Variants in PMP22 observed in about 807,000 individuals in gnomAD.
The protein encoded by PMP22 is Charcot-Marie-Tooth neuropathy 1A (greatly reduced nerve conduction velocity, hereditary motor sensory neuropathy Ia).
Under a neutral mutation model 18.9 loss-of-function variants are expected in PMP22, and 2 were observed. The ratio of observed to expected loss-of-function variants is 0.11; its 90% CI spans 0.04 to 0.33. PMP22 has a LOEUF of 0.33. Among genes scored for constraint, PMP22 ranks in the 10% least tolerant of loss-of-function variants. The probability of loss-of-function intolerance (pLI) is 1.00; values close to 1 mark genes in which losing one functional copy is unlikely to be tolerated. For synonymous variants in PMP22, 95 were observed against 89.2 expected, an observed-to-expected ratio of 1.07 and a Z score of -0.37; for missense variants, 169 against 202.2, an observed-to-expected ratio of 0.84 and a Z score of 1.00.
rs1444380969 is a variant in PMP22, at chr17:15,260,891, C to T, written c.-34-130G>A. Reference sequence around the variant, plus strand: ...AGCGCCCGCAGCCCGACCGCCCGCGCGGGTCAGGAGCCTTCGCGCCGCCTG... The same window carrying T: ...AGCGCCCGCAGCCCGACCGCCCGCGTGGGTCAGGAGCCTTCGCGCCGCCTG... On this transcript the variant is annotated intron_variant, in intron 1 of 4. Transcript: ENST00000312280. 4.7e-6 allele frequency: 3 copies of T among 640,288 alleles called. No individual in the cohort carries two copies. In the South Asian group the frequency reaches 5.5e-5, roughly 12 times the overall value. The allele number at this position is 640,288 out of a possible 1,614,324, so 39.7% of individuals were successfully genotyped here.
chr17:15,252,461 T>C (rs1189288214), intron 3 of PMP22, among the ~76,000 whole-genome samples: 1 of 152,166 alleles, frequency 6.6e-6, no homozygotes, highest in Non-Finnish European at 1.5e-5. Context: ...GAGTAGTAAG[T>C]GGTCATCTTC....
intron 4 of PMP22, among the ~76,000 whole-genome samples, chr17:15,238,614 AACAG>A (rs1254599080): frequency 6.6e-6 from 1 of 152,234 alleles, no homozygotes; most frequent in African/African-American, 2.4e-5. Flanking sequence ...ACAGTAAGTC[AACAG>A]ACAGACATGT....
intron 4 of PMP22, 136 bp downstream of exon 4, chr17:15,239,335 T>C: frequency 9.8e-7 from 1 of 1,023,956 alleles, no homozygotes; most frequent in East Asian, 2.4e-5. Context: ...GCACCCACCC[T>C]CACTTTATGG....
intron 3 of PMP22, among the ~76,000 whole-genome samples, chr17:15,240,405 ATTTTT>A (rs59646634): frequency 8.2e-6 from 1 of 121,432 alleles, no homozygotes; most frequent in African/African-American, 3.1e-5. Flanking sequence ...GACAACCCGT[ATTTTT>A]TTTTTTTTTT....
intron 3 of PMP22, among the ~76,000 whole-genome samples, chr17:15,252,850 G>A (rs1908480698): frequency 2.0e-5 from 3 of 152,200 alleles, no homozygotes; most frequent in Admixed American, 1.3e-4. Flanking sequence ...AGACCAGCCA[G>A]GGGCCAGGGC....
intron 4 of PMP22, among the ~76,000 whole-genome samples, chr17:15,233,285 A>G (rs570883231): frequency 2.6e-5 from 4 of 152,330 alleles, no homozygotes; most frequent in Admixed American, 2.6e-4. Flanking sequence ...CTCTTTGGCA[A>G]TGACCGGGAC....
intron 4 of PMP22, among the ~76,000 whole-genome samples, chr17:15,238,996 G>C (rs1235617287): frequency 6.6e-6 from 1 of 152,188 alleles, no homozygotes; most frequent in African/African-American, 2.4e-5. Context: ...ATTTGTCAGT[G>C]TGGCTTCATC....
At chr17:15,244,776 G>A (rs150486192) in intron 3 of PMP22, among the ~76,000 whole-genome samples, 4 of 152,354 alleles carry the variant, frequency 2.6e-5, no homozygotes, top group Non-Finnish European at 4.4e-5. Flanking sequence ...AAGAGCCAAA[G>A]TTGTGTCAAA....
intron 1 of PMP22, among the ~76,000 whole-genome samples, chr17:15,263,581 G>GCACACACACACA (rs1252164081): frequency 5.0e-4 from 44 of 87,312 alleles, no homozygotes; most frequent in African/African-American, 3.1e-3. Flanking sequence ...ACGCACGCGC[G>GCACACACACACA]CGCACACACA....
At chr17:15,254,747 C>A (rs1022492172) in intron 3 of PMP22, among the ~76,000 whole-genome samples, 1 of 152,028 alleles carries the variant, frequency 6.6e-6, no homozygotes, top group African/African-American at 2.4e-5. Context: ...CACCTGAGGT[C>A]GGGAGTTCGA....
intron 4 of PMP22, 65 bp from the exon 5 acceptor site, chr17:15,231,145 AC>A: frequency 6.7e-7 from 1 of 1,503,700 alleles, no homozygotes; most frequent in South Asian, 1.1e-5. Context: ...CCTCTCCGCC[AC>A]CCCGGATGCT....
chr17:15,237,080 G>A (rs999466527), intron 4 of PMP22, among the ~76,000 whole-genome samples: 1 of 152,236 alleles, frequency 6.6e-6, no homozygotes, highest in African/African-American at 2.4e-5. Flanking sequence ...ACAAAGTCAT[G>A]CGCTTTTACA....
chr17:15,232,885 CT>C (rs1199055056), intron 4 of PMP22, among the ~76,000 whole-genome samples: 1 of 152,218 alleles, frequency 6.6e-6, no homozygotes, highest in Non-Finnish European at 1.5e-5. Context: ...ATGTGTATGA[CT>C]TTCATCTTAG....
chr17:15,230,705 C>T lies in PMP22; in HGVS notation c.*212G>A. The T allele has an allele frequency of 1.7e-6, 1 of 591,002 alleles. No individual in the cohort carries two copies. Among genetic ancestry groups the T allele is most frequent in the Non-Finnish European group, 3.0e-6 (1 of 332,852 alleles). The allele number at this position is 591,002 out of a possible 1,614,324, so 36.6% of individuals were successfully genotyped here. On this transcript the variant is annotated 3_prime_UTR_variant, in exon 5 of 5. Coordinates refer to ENST00000312280, the MANE Select transcript of PMP22 (RefSeq NM_000304.4). Reference sequence around the variant, plus strand: ...CATAAAAAGCAAACAATACTATGTACATATATGTAAAAAGTGTTATAAATA... The same window carrying T: ...CATAAAAAGCAAACAATACTATGTATATATATGTAAAAAGTGTTATAAATA...
At chr17:15,259,288 C>A in intron 2 of PMP22, 95 bp from the exon 3 acceptor site, 1 of 956,026 alleles carries the variant, frequency 1.0e-6, no homozygotes, top group East Asian at 2.5e-5. Context: ...GAAAAGCACC[C>A]GCATCCACCT....
At chr17:15,240,128 T>C (rs1323934211) in intron 3 of PMP22, among the ~76,000 whole-genome samples, 1 of 152,232 alleles carries the variant, frequency 6.6e-6, no homozygotes, top group African/African-American at 2.4e-5. Context: ...GTGTTACTTA[T>C]GTACATGTGT....
At chr17:15,240,713 T>C (rs1273833192) in intron 3 of PMP22, among the ~76,000 whole-genome samples, 1 of 152,114 alleles carries the variant, frequency 6.6e-6, no homozygotes, top group Non-Finnish European at 1.5e-5. Flanking sequence ...GTCTTCCAAG[T>C]GCCACAGAAT....
chr17:15,236,402 C>A (rs1381379341), intron 4 of PMP22, among the ~76,000 whole-genome samples: 1 of 152,058 alleles, frequency 6.6e-6, no homozygotes, highest in Non-Finnish European at 1.5e-5. Flanking sequence ...CTGGGCCCAC[C>A]AAGAGGAAGC....
At position 15,258,497 on chromosome 17, in the gene PMP22, T is replaced by C. The variant is rs1025067203; in HGVS notation, c.178+597A>G. ...CTGAGGACAGAGGAGAAATACGATC[T>C]TCTGGATTAAGGACCCCAAGGCTTA... On this transcript the variant is annotated intron_variant, in intron 3 of 4. Coordinates refer to ENST00000312280, the MANE Select transcript of PMP22 (RefSeq NM_000304.4). This position sits in a 1 kb window ranked among gnomAD's most constrained non-coding sequence, Gnocchi z 4.1. 2.0e-5 allele frequency among the ~76,000 whole-genome samples: 3 copies of C among 152,106 alleles called. No individual in the cohort carries two copies. Among genetic ancestry groups the C allele is most frequent in the South Asian group, 4.1e-4 (2 of 4,824 alleles).
Sources: gnomAD v4.1 joint callset for allele counts (sites outside exome capture counted in the v4.1 genomes callset) on GRCh38, gnomAD v4.1.1 for gene constraint, Gnocchi (gnomAD v3.1) non-coding constraint, MANE v1.5 for transcripts, NCBI Gene and HGNC (gene_info 2026-07-23, HGNC 2026-07-21) for gene names.